The following KHDRBS2 variants were observed in gnomAD, a reference collection of about 807,000 sequenced individuals.
KHDRBS2 encodes KH domain-containing, RNA-binding, signal transduction-associated protein 2.
KHDRBS2 carries 26 observed loss-of-function variants against 44.3 expected under a neutral mutation model. That is an observed-to-expected ratio of 0.59 (90% CI 0.43 to 0.81). KHDRBS2 has a LOEUF of 0.81. KHDRBS2 is among the 40% of genes least tolerant of loss of function. The pLI, the probability that KHDRBS2 is intolerant of heterozygous loss-of-function variation, is 0.00. For missense variants in KHDRBS2, 476 were observed against 433.1 expected, an observed-to-expected ratio of 1.10 and a Z score of -0.88; for synonymous variants, 194 against 151.1, an observed-to-expected ratio of 1.28 and a Z score of -2.08.
the KHDRBS2 span, among the ~76,000 whole-genome samples, chr6:61,637,425 G>C: frequency 1.3e-5 from 2 of 152,058 alleles, no homozygotes; most frequent in Admixed American, 1.3e-4. Flanking sequence ...TCTTAATCCA[G>C]TCTATCATTG....
intron 3 of KHDRBS2, among the ~76,000 whole-genome samples, chr6:62,002,599 A>G (rs2127260447): frequency 6.6e-6 from 1 of 151,384 alleles, no homozygotes; most frequent in African/African-American, 2.4e-5. Context: ...TTATCTGAAG[A>G]TTTCAATCGT....
chr6:61,901,184 A>G, intron 5 of KHDRBS2, 60 bp downstream of exon 5: 1 of 1,544,560 alleles, frequency 6.5e-7, no homozygotes, highest in Non-Finnish European at 8.9e-7. Flanking sequence ...TCATGACATA[A>G]AGCAGGACAA....
chr6:62,048,162 C>A (rs1315613458), intron 2 of KHDRBS2, among the ~76,000 whole-genome samples, 168 bp from the exon 3 acceptor site: 5 of 104,328 alleles, frequency 4.8e-5, no homozygotes, highest in African/African-American at 1.9e-4. Context: ...ACACACAAAC[C>A]CCAAACCATT....
the KHDRBS2 span, among the ~76,000 whole-genome samples, chr6:61,587,889 C>T: frequency 6.9e-6 from 1 of 145,226 alleles, no homozygotes; most frequent in African/African-American, 2.6e-5. Flanking sequence ...ATTATAGATG[C>T]TTAGAAAACT....
intron 2 of KHDRBS2, among the ~76,000 whole-genome samples, chr6:62,109,024 C>T (rs1804318514): frequency 6.6e-6 from 1 of 151,486 alleles, no homozygotes; most frequent in Non-Finnish European, 1.5e-5. Context: ...GTGCAGCACA[C>T]CAGCATGGCA....
chr6:61,639,417 A>G, the KHDRBS2 span, among the ~76,000 whole-genome samples: 1 of 151,944 alleles, frequency 6.6e-6, no homozygotes, highest in East Asian at 1.9e-4. Context: ...CTTAAAATCT[A>G]TAGAATGAAC....
At chr6:61,759,242 T>A (rs1778931864) in intron 6 of KHDRBS2, among the ~76,000 whole-genome samples, 1 of 152,142 alleles carries the variant, frequency 6.6e-6, no homozygotes, top group Admixed American at 6.6e-5. Flanking sequence ...CTATGAGAGA[T>A]ACTGATCCAT....
chr6:61,592,441 G>A, the KHDRBS2 span, among the ~76,000 whole-genome samples: 1 of 152,112 alleles, frequency 6.6e-6, no homozygotes, highest in African/African-American at 2.4e-5. Flanking sequence ...AAGCCTCACA[G>A]GTAGCAGACC....
At chr6:61,706,014 G>A (rs1769480838) in intron 7 of KHDRBS2, among the ~76,000 whole-genome samples, 1 of 151,848 alleles carries the variant, frequency 6.6e-6, no homozygotes, top group Non-Finnish European at 1.5e-5. Flanking sequence ...GGGCAACCCA[G>A]TGCCTGACAC....
intron 2 of KHDRBS2, among the ~76,000 whole-genome samples, chr6:62,102,953 G>A (rs1298846172): frequency 9.2e-5 from 14 of 152,130 alleles, no homozygotes; most frequent in Admixed American, 4.6e-4. Flanking sequence ...TTTATTGAGC[G>A]ACACAGCTCT....
At chr6:61,999,702 T>C (rs1777861480) in intron 3 of KHDRBS2, among the ~76,000 whole-genome samples, 1 of 152,108 alleles carries the variant, frequency 6.6e-6, no homozygotes, top group African/African-American at 2.4e-5. Flanking sequence ...GTTTTGGTAA[T>C]AATAGCACAA....
chr6:61,669,054 C>G, the KHDRBS2 span, among the ~76,000 whole-genome samples: 10 of 150,796 alleles, frequency 6.6e-5, no homozygotes, highest in Admixed American at 4.6e-4. Flanking sequence ...AGCCTAAATT[C>G]TATACTTAGA....
At chr6:61,824,824 A>G (rs906143136) in intron 6 of KHDRBS2, among the ~76,000 whole-genome samples, 1 of 152,120 alleles carries the variant, frequency 6.6e-6, no homozygotes, top group African/African-American at 2.4e-5. Flanking sequence ...GCTTATGCAC[A>G]ATATTTAAAT....
the KHDRBS2 span, among the ~76,000 whole-genome samples, chr6:61,638,354 A>G: frequency 2.0e-5 from 3 of 152,054 alleles, no homozygotes; most frequent in Admixed American, 1.3e-4. Context: ...ATAATGCCGC[A>G]TATCTACAAC....
the KHDRBS2 span, among the ~76,000 whole-genome samples, chr6:61,642,523 A>T: frequency 6.7e-6 from 1 of 150,046 alleles, no homozygotes. Context: ...TTAGCCGGGC[A>T]TGGTGGAGTG....
At chr6:61,692,077 T>A (rs1332904520) in intron 8 of KHDRBS2, among the ~76,000 whole-genome samples, 1 of 152,158 alleles carries the variant, frequency 6.6e-6, no homozygotes, top group East Asian at 1.9e-4. Flanking sequence ...TTCTTAGCTA[T>A]CAGTCTCAGA....
At chr6:62,093,409 C>T (rs1231934368) in intron 2 of KHDRBS2, among the ~76,000 whole-genome samples, 3 of 151,778 alleles carry the variant, frequency 2.0e-5, no homozygotes, top group Non-Finnish European at 4.4e-5. Flanking sequence ...TATATCCATA[C>T]ATGTATAAGT....
At chr6:61,559,830 A>T in the KHDRBS2 span, among the ~76,000 whole-genome samples, 1 of 152,202 alleles carries the variant, frequency 6.6e-6, no homozygotes, top group Admixed American at 6.5e-5. Context: ...TTTCTGCATA[A>T]CATATGAGCA....
At chr6:61,621,549 C>A in the KHDRBS2 span, among the ~76,000 whole-genome samples, 3 of 152,138 alleles carry the variant, frequency 2.0e-5, no homozygotes, top group Non-Finnish European at 4.4e-5. Context: ...AATACACAGC[C>A]AAATGAGGTC....
Sources: allele counts gnomAD v4.1 joint callset (sites outside exome capture counted in the v4.1 genomes callset), GRCh38; gene constraint gnomAD v4.1.1; transcripts MANE v1.5; gene names NCBI Gene and HGNC (gene_info 2026-07-23, HGNC 2026-07-21).